NKAIN2: variants seen among roughly 807,000 people sequenced by gnomAD.
The protein encoded by NKAIN2 is sodium/potassium-transporting ATPase subunit beta-1-interacting protein 2.
Under a neutral mutation model 32.6 loss-of-function variants are expected in NKAIN2, and 14 were observed. The ratio of observed to expected loss-of-function variants is 0.43; its 90% confidence interval spans 0.28 to 0.67. The LOEUF is 0.67. Among genes scored for constraint, NKAIN2 ranks in the 30% least tolerant of loss-of-function variants. The pLI is 0.17. For missense variants in NKAIN2, 198 were observed against 258.3 expected, an observed-to-expected ratio of 0.77 and a Z score of 1.60; for synonymous variants, 80 against 87.2, an observed-to-expected ratio of 0.92 and a Z score of 0.46.
intron 1 of NKAIN2, among the ~76,000 whole-genome samples, chr6:123,806,170 A>G (rs1384164468): frequency 6.6e-6 from 1 of 152,126 alleles, no homozygotes; most frequent in African/African-American, 2.4e-5. Flanking sequence ...ACCATCACTT[A>G]TGAAACAGAA....
intron 3 of NKAIN2, among the ~76,000 whole-genome samples, chr6:124,630,272 G>A (rs1783513268): frequency 6.6e-6 from 1 of 152,054 alleles, no homozygotes; most frequent in Non-Finnish European, 1.5e-5. Flanking sequence ...TAATACTAAT[G>A]TCCTCAGTCA....
chr6:124,746,704 A>G (rs547840488), intron 4 of NKAIN2, among the ~76,000 whole-genome samples: 2 of 151,928 alleles, frequency 1.3e-5, no homozygotes, highest in African/African-American at 4.8e-5. Context: ...CAAGTTTTCT[A>G]CAATGAGCAT....
At chr6:124,210,402 G>A (rs1406303467) in intron 1 of NKAIN2, among the ~76,000 whole-genome samples, 1 of 151,822 alleles carries the variant, frequency 6.6e-6, no homozygotes, top group Non-Finnish European at 1.5e-5. Context: ...TTTTGCTCAG[G>A]ATGGCTTTGG....
chr6:124,228,067 A>C (rs1456577360), intron 1 of NKAIN2, among the ~76,000 whole-genome samples: 1 of 152,168 alleles, frequency 6.6e-6, no homozygotes, highest in Non-Finnish European at 1.5e-5. Flanking sequence ...GGGAGATCTC[A>C]TATCTCTTCT....
In NKAIN2 at chr6:123,814,487, CA is replaced by C. The variant is rs369459731; in HGVS notation, c.54+10238del. 2.7e-4 allele frequency among the ~76,000 whole-genome samples: 41 copies of C among 152,186 alleles called. 1 individual carries two copies. In the South Asian group the frequency reaches 8.1e-3, roughly 30 times the overall value. ...CATTTAGTAAATATAAATCTTGCAA[CA>C]AAAATATGTGGTGACATTTAATTAT... On this transcript the variant is annotated intron_variant, in intron 1 of 6. Coordinates refer to ENST00000368417, the MANE Select transcript of NKAIN2 (RefSeq NM_001040214.3).
chr6:124,281,146 G>T (rs1170489769), intron 1 of NKAIN2, among the ~76,000 whole-genome samples: 1 of 152,098 alleles, frequency 6.6e-6, no homozygotes, highest in Non-Finnish European at 1.5e-5. Flanking sequence ...CTATACGTTT[G>T]CCCTGCTGTG....
chr6:123,981,981 C>T (rs1364687967), intron 1 of NKAIN2, among the ~76,000 whole-genome samples: 1 of 152,050 alleles, frequency 6.6e-6, no homozygotes, highest in Non-Finnish European at 1.5e-5. Context: ...AATTTTGTGT[C>T]CAGGGTTAAG....
At chr6:124,160,116 G>C (rs755298742) in intron 1 of NKAIN2, among the ~76,000 whole-genome samples, 1 of 152,156 alleles carries the variant, frequency 6.6e-6, no homozygotes, top group Non-Finnish European at 1.5e-5. Flanking sequence ...CGGGAAAAGA[G>C]CTTTCCTTCC....
rs571651511 is a variant in NKAIN2, at chr6:124,016,357, T to C, written c.54+212103T>C. Among the ~76,000 whole-genome samples the C allele has an allele frequency of 8.5e-5, 13 of 152,304 alleles. No homozygotes were observed. The East Asian group carries it at 2.5e-3, about 29-fold the overall frequency. On this transcript the variant is annotated intron_variant, in intron 1 of 6. Transcript: ENST00000368417. ...ATTTAAATTGCCATTTTTTATAAAA[T>C]GCCTTCATATACAATGTTTGTTGTG...
intron 1 of NKAIN2, among the ~76,000 whole-genome samples, chr6:123,982,469 A>G (rs1778943551): frequency 6.6e-6 from 1 of 152,150 alleles, no homozygotes; most frequent in Admixed American, 6.6e-5. Context: ...GTTTTTGAAC[A>G]CAGAATGAAG....
At chr6:123,883,171 G>A (rs1773529744) in intron 1 of NKAIN2, among the ~76,000 whole-genome samples, 1 of 152,004 alleles carries the variant, frequency 6.6e-6, no homozygotes. Context: ...TTGAGACGGA[G>A]TCTTGCTCTG....
chr6:124,490,206 G>A (rs1024725679), intron 3 of NKAIN2, among the ~76,000 whole-genome samples: 3 of 151,666 alleles, frequency 2.0e-5, no homozygotes, highest in Admixed American at 2.0e-4. Context: ...AATCAGCCAA[G>A]TTCCTTGAAA....
chr6:124,489,712 A>G (rs892988143), intron 3 of NKAIN2, among the ~76,000 whole-genome samples: 3 of 151,918 alleles, frequency 2.0e-5, no homozygotes, highest in African/African-American at 7.2e-5. Context: ...CTTTTGCACC[A>G]TCATGAAGTT....
At chr6:124,255,612 G>A (rs1296453475) in intron 1 of NKAIN2, among the ~76,000 whole-genome samples, 3 of 152,124 alleles carry the variant, frequency 2.0e-5, no homozygotes, top group Non-Finnish European at 4.4e-5. Flanking sequence ...TTTTACAAAC[G>A]GAAAATAAGA....
chr6:124,350,270 A>G (rs1798655581), intron 2 of NKAIN2, among the ~76,000 whole-genome samples: 1 of 152,194 alleles, frequency 6.6e-6, no homozygotes, highest in Non-Finnish European at 1.5e-5. Context: ...AACTATGCTG[A>G]GTAATTTTAA....
At chr6:124,759,649 ACACACACC>A (rs202214153) in intron 4 of NKAIN2, among the ~76,000 whole-genome samples, 3,195 of 76,650 alleles carry the variant, frequency 0.042, 356 homozygotes, top group South Asian at 0.06. Context: ...ACACACACAC[ACACACACC>A]CCCTATCTCC....
intron 3 of NKAIN2, among the ~76,000 whole-genome samples, chr6:124,551,594 G>A (rs1780289015): frequency 1.3e-5 from 2 of 152,094 alleles, no homozygotes; most frequent in South Asian, 2.1e-4. Context: ...TGTCATTACT[G>A]CTTTTGTCAG....
intron 1 of NKAIN2, among the ~76,000 whole-genome samples, chr6:124,280,707 T>G (rs1370784311): frequency 6.6e-6 from 1 of 152,192 alleles, no homozygotes; most frequent in East Asian, 1.9e-4. Flanking sequence ...TCATAGTTAA[T>G]AGTCTTCCTG....
chr6:124,772,238 T>G (rs560632567), intron 4 of NKAIN2, among the ~76,000 whole-genome samples: 2 of 152,300 alleles, frequency 1.3e-5, no homozygotes, highest in African/African-American at 4.8e-5. Flanking sequence ...TGGTCTTAGT[T>G]GTAGAAACTT....
Sources: gnomAD v4.1 joint callset for allele counts (sites outside exome capture counted in the v4.1 genomes callset) on GRCh38, gnomAD v4.1.1 for gene constraint, MANE v1.5 for transcripts, NCBI Gene and HGNC (gene_info 2026-07-23, HGNC 2026-07-21) for gene names.